BHMT2: variants seen among roughly 807,000 people sequenced by gnomAD.
The protein encoded by BHMT2 is S-methylmethionine--homocysteine S-methyltransferase BHMT2.
In BHMT2, 28 loss-of-function variants were observed where a neutral mutation model predicts 39.0. That is an observed-to-expected ratio of 0.72 (90% CI 0.53 to 0.98). The LOEUF (loss-of-function observed/expected upper bound fraction) is 0.98, where lower values mean the gene tolerates loss of function less well. BHMT2 is among the 50% of genes least tolerant of loss of function. The pLI, the probability that BHMT2 is intolerant of heterozygous loss-of-function variation, is 0.00. For missense variants in BHMT2, 410 were observed against 455.6 expected (o/e 0.90, Z 0.91); for synonymous variants, 145 against 160.6 (o/e 0.90, Z 0.74).
intron 7 of BHMT2, among the ~76,000 whole-genome samples, chr5:79,086,807 C>T (rs965427293): frequency 3.3e-5 from 5 of 151,866 alleles, no homozygotes; most frequent in Middle Eastern, 3.2e-3. Context: ...AATAACAGGG[C>T]TTCACTTTCC....
In BHMT2 at chr5:79,080,711, T is replaced by C; in HGVS notation, c.283T>C (p.Cys95Arg). ...GTGGGAAGATGTAAATGCTGCTGCC[T>C]GTGACCTCGCCAGGGAAGTGGCTGG... is the stretch of plus-strand genomic sequence containing the variant. ...SKWEDVNAAA[C>R]DLAREVAGKG... The change falls in exon 4 of 8, where the codon TGT becomes CGT. Residue 95 changes from cysteine (C) to arginine (R), a missense_variant. By Grantham distance (180) the Cys-to-Arg change is radical. Coordinates refer to ENST00000255192, the MANE Select transcript of BHMT2 (RefSeq NM_017614.5). 6.3e-7 allele frequency: 1 copy of C among 1,598,652 alleles called. No individual in the cohort carries two copies. The highest frequency in any genetic ancestry group is 8.5e-7 in the Non-Finnish European group (1 of 1,175,550).
intron 1 of BHMT2, among the ~76,000 whole-genome samples, chr5:79,072,761 G>C (rs758066014): frequency 6.6e-6 from 1 of 152,310 alleles, no homozygotes; most frequent in South Asian, 2.1e-4. Context: ...GGTAGCAATG[G>C]AAGACAGTTC....
At position 79,082,842 on chromosome 5, in the gene BHMT2, G is replaced by A. The variant is rs1485163986; in HGVS notation, c.484G>A (p.Val162Met). Reference protein sequence around the residue: ...FEHVEEAVWAVEVLKESDRPV... With the variant: ...FEHVEEAVWAMEVLKESDRPV... ...GCACGTTGAAGAAGCTGTGTGGGCT[G>A]TGGAAGTCTTAAAAGAATCAGATAG... The change falls in exon 5 of 8, where the codon GTG becomes ATG. Residue 162 changes from valine (V) to methionine (M), a missense_variant. Val to Met is a conservative substitution (Grantham distance 21). Transcript: ENST00000255192. 1.2e-6 allele frequency: 2 copies of A among 1,614,068 alleles called. No individual in the cohort carries two copies. The highest frequency in any genetic ancestry group is 1.3e-5 in the African/African-American group (1 of 74,940).
intron 2 of BHMT2, among the ~76,000 whole-genome samples, chr5:79,078,984 A>G (rs972589985): frequency 1.3e-5 from 2 of 152,174 alleles, no homozygotes; most frequent in African/African-American, 4.8e-5. Flanking sequence ...TCTGCTTTCT[A>G]TGAGAAGCTC....
chr5:79,070,007 CGCT>C (rs1755523680), intron 1 of BHMT2, among the ~76,000 whole-genome samples, 192 bp downstream of exon 1: 1 of 152,210 alleles, frequency 6.6e-6, no homozygotes, highest in Non-Finnish European at 1.5e-5. Flanking sequence ...CGGTGCCTGG[CGCT>C]GCACAGAGTG....
Position 79,083,299 on chromosome 5 carries a change from A to G in BHMT2, c.706A>G (p.Met236Val), listed in dbSNP as rs746494604. The G allele has an allele frequency of 6.2e-7, 1 of 1,613,826 alleles. No individual in the cohort carries two copies. Among genetic ancestry groups the G allele is most frequent in the Non-Finnish European group, 8.5e-7 (1 of 1,179,812 alleles). ...GTGGGCAGGGCTGAAAGCGCACCTC[A>G]TGGTGCAGCCTCTGGGGTTCCACGC... The part of the protein sequence containing the change: ...LEWAGLKAHL[M>V]VQPLGFHAPD... The change falls in exon 6 of 8, where the codon ATG (methionine) becomes GTG (valine). Residue 236 changes from methionine (M) to valine (V), a missense_variant. Transcript: ENST00000255192.
intron 1 of BHMT2, among the ~76,000 whole-genome samples, chr5:79,076,290 T>C (rs1755669293): frequency 6.6e-6 from 1 of 152,170 alleles, no homozygotes; most frequent in South Asian, 2.1e-4. Context: ...TGTGTGTTCT[T>C]CTGCCAGTGT....
At chr5:79,069,966 C>A in intron 1 of BHMT2, 151 bp downstream of exon 1, 2 of 879,236 alleles carry the variant, frequency 2.3e-6, no homozygotes, top group Non-Finnish European at 3.1e-6. Flanking sequence ...TCCCCTGTCA[C>A]GGGTTGGTTA....
chr5:79,079,873 G>C (rs1266962059), intron 3 of BHMT2, among the ~76,000 whole-genome samples: 1 of 152,170 alleles, frequency 6.6e-6, no homozygotes, highest in Admixed American at 6.5e-5. Context: ...CTGGGTGACA[G>C]AGCAAGACCC....
Position 79,077,553 on chromosome 5 carries a change from G to T in BHMT2, c.107G>T (p.Arg36Ile). The T allele has an allele frequency of 1.2e-6, 2 of 1,614,052 alleles. No homozygotes were observed. The highest frequency in any genetic ancestry group is 1.7e-6 in the Non-Finnish European group (2 of 1,179,994). ...AGCTTTCTCATTACTCTGGAGAAGA[G>T]AGGCTATGTGAAGGCTGGGCTCTGG... ...DGSFLITLEK[R>I]GYVKAGLWTP... is the part of the protein sequence containing the mutation. The change falls in exon 2 of 8, where the codon AGA becomes ATA. Residue 36 changes from arginine (R) to isoleucine (I), a missense_variant. Coordinates refer to ENST00000255192, the MANE Select transcript of BHMT2 (RefSeq NM_017614.5).
rs1755979040 is a variant in BHMT2, at chr5:79,089,475, G to A, written c.*901G>A. 1 of 151,628 alleles carries A rather than the reference G, an allele frequency of 6.6e-6. No homozygotes were observed. The highest frequency in any genetic ancestry group is 2.1e-4 in the South Asian group (1 of 4,808). The allele number at this position is 151,628 out of a possible 1,614,324, so 9.4% of individuals were successfully genotyped here. A position where few individuals can be genotyped will look rare whatever the true frequency, so the allele number is the denominator to read the frequency against. Reference sequence around the variant, plus strand: ...CAAAAAAAAAAAAAAAAGATATTAGGTCCTAGAATTTTTAAAATGTGTCTT... The same window carrying A: ...CAAAAAAAAAAAAAAAAGATATTAGATCCTAGAATTTTTAAAATGTGTCTT... On this transcript the variant is annotated 3_prime_UTR_variant, in exon 8 of 8. Transcript: ENST00000255192.
intron 2 of BHMT2, 95 bp downstream of exon 2, chr5:79,077,707 A>C: frequency 6.8e-7 from 1 of 1,464,040 alleles, no homozygotes. Flanking sequence ...ACTGTTTCAA[A>C]GGGGTGTTTT....
intron 1 of BHMT2, among the ~76,000 whole-genome samples, 170 bp from the exon 2 acceptor site, chr5:79,077,310 G>T (rs978589999): frequency 6.6e-6 from 1 of 152,030 alleles, no homozygotes; most frequent in Non-Finnish European, 1.5e-5. Context: ...AACCTGGATC[G>T]GCCAAGAAAT....
chr5:79,078,903 G>T (rs1423227330), intron 2 of BHMT2, among the ~76,000 whole-genome samples: 1 of 152,222 alleles, frequency 6.6e-6, no homozygotes, highest in African/African-American at 2.4e-5. Flanking sequence ...GCCAGGAAAA[G>T]CTTCCAGACT....
rs1468250532 is a variant in BHMT2 at position 79,089,489 on chromosome 5, A to G, written c.*915A>G. On this transcript the variant is annotated 3_prime_UTR_variant, in exon 8 of 8. Transcript: ENST00000255192. Reference sequence around the variant, plus strand: ...AAAGATATTAGGTCCTAGAATTTTTAAAATGTGTCTTCATAATCATAGGTA... The same window carrying G: ...AAAGATATTAGGTCCTAGAATTTTTGAAATGTGTCTTCATAATCATAGGTA... 2.0e-5 allele frequency: 3 copies of G among 151,980 alleles called. No individual in the cohort carries two copies. The highest frequency in any genetic ancestry group is 4.4e-5 in the Non-Finnish European group (3 of 67,998). 9.4% of individuals were successfully genotyped at this position (151,980 alleles called of 1,614,324 possible). A position where few individuals can be genotyped will look rare whatever the true frequency, so the allele number is the denominator to read the frequency against.
intron 1 of BHMT2, among the ~76,000 whole-genome samples, chr5:79,076,013 A>G (rs1463197266): frequency 6.6e-6 from 1 of 152,224 alleles, no homozygotes; most frequent in Non-Finnish European, 1.5e-5. Flanking sequence ...CGCCTTATCG[A>G]AAGGACAGAG....
intron 2 of BHMT2, 42 bp from the exon 3 acceptor site, chr5:79,079,327 T>G: frequency 7.2e-7 from 1 of 1,390,290 alleles, no homozygotes; most frequent in Non-Finnish European, 1.0e-6. Context: ...TAATATTTCT[T>G]TATTCATTTA....
chr5:79,075,344 T>A (rs1030368177), intron 1 of BHMT2, among the ~76,000 whole-genome samples: 2 of 152,086 alleles, frequency 1.3e-5, no homozygotes, highest in Non-Finnish European at 2.9e-5. Flanking sequence ...AAGCCACTGT[T>A]GTGGGGGCCT....
At chr5:79,075,818 G>T (rs1481168585) in intron 1 of BHMT2, among the ~76,000 whole-genome samples, 1 of 152,192 alleles carries the variant, frequency 6.6e-6, no homozygotes, top group East Asian at 1.9e-4. Flanking sequence ...GTGTGATGGA[G>T]GCGTGGATCA....
Sources: gnomAD v4.1 joint callset for allele counts (sites outside exome capture counted in the v4.1 genomes callset) on GRCh38, gnomAD v4.1.1 for gene constraint, MANE v1.5 for transcripts, NCBI Gene and HGNC (gene_info 2026-07-23, HGNC 2026-07-21) for gene names.